Variants in RBM45 observed in about 807,000 individuals in gnomAD.
RBM45 encodes the protein RNA-binding protein 45.
In RBM45, 39 loss-of-function variants were observed where a neutral mutation model predicts 58.5. That is an observed-to-expected ratio of 0.67 (90% CI 0.52 to 0.87). The LOEUF is 0.87. Ranked by LOEUF, RBM45 falls within the 40% of genes least tolerant of loss-of-function variation. The probability of loss-of-function intolerance (pLI) is 0.00; values close to 1 mark genes in which losing one functional copy is unlikely to be tolerated. For synonymous variants in RBM45, 193 were observed against 203.0 expected (o/e 0.95, Z 0.42); for missense variants, 481 against 581.6 (o/e 0.83, Z 1.78).
rs759189413 is a variant in RBM45, at chr2:178,118,204, T to C, written c.550+23T>C. 4 of 1,569,992 alleles carry C rather than the reference T, an allele frequency of 2.5e-6. No homozygotes were observed. In the South Asian group the frequency reaches 4.8e-5, roughly 19 times the overall value. On this transcript the variant is annotated intron_variant, in intron 3 of 9. Coordinates refer to ENST00000286070, the MANE Select transcript of RBM45 (RefSeq NM_152945.4). The stretch of plus-strand genomic sequence containing the variant: ...GAAGTAAGGATGTGTTTAACATTGT[T>C]AAAAACTTTTGTAAAAAATTCTGAT...
chr2:178,124,568 C>G (rs2087901535), intron 8 of RBM45, among the ~76,000 whole-genome samples: 1 of 152,138 alleles, frequency 6.6e-6, no homozygotes, highest in Admixed American at 6.5e-5. Flanking sequence ...AATCCCAACA[C>G]TTTGGGAGGC....
exon 4 of RBM45, chr2:178,138,905 G>T (rs1252444335): frequency 6.6e-6 from 1 of 151,826 alleles, no homozygotes; most frequent in African/African-American, 2.4e-5. Flanking sequence ...CTTCTCTTTT[G>T]TAAAGAAATA....
At chr2:178,112,946 C>T in intron 1 of RBM45, 100 bp downstream of exon 1, 1 of 1,275,110 alleles carries the variant, frequency 7.8e-7, no homozygotes, top group South Asian at 1.4e-5. Context: ...AGTGGAACAT[C>T]CGTTCCCGGC....
chr2:178,137,214 T>G (rs749655630), exon 4 of RBM45: 3 of 152,196 alleles, frequency 2.0e-5, no homozygotes, highest in Non-Finnish European at 2.9e-5. Context: ...AACAGTGGTA[T>G]GAACAGCAAG....
At chr2:178,121,126 G>T (rs977272007) in intron 4 of RBM45, 54 bp from the exon 5 acceptor site, 36 of 864,654 alleles carry the variant, frequency 4.2e-5, no homozygotes, top group Non-Finnish European at 5.6e-5. Context: ...AATGTTAAGC[G>T]AATTGTTGGC....
rs759622326 is a variant in RBM45, at chr2:178,123,617, G to A, written c.949G>A (p.Val317Ile). The change falls in exon 6 of 10, where the codon GTT becomes ATT. Residue 317 changes from valine (V) to isoleucine (I), a missense_variant. By Grantham distance (29) the Val-to-Ile change is conservative. Transcript: ENST00000286070. ...FQYPPGNRIGVSFIDDGSNAT... is the reference protein window; with the variant it reads ...FQYPPGNRIGISFIDDGSNAT... ...GTACCCTCCTGGGAACCGAATAGGT[G>A]TTTCCTTCATTGATGATGGAAGTAA... 24 of 1,608,352 alleles carry A rather than the reference G, an allele frequency of 1.5e-5. No individual in the cohort carries two copies. The highest frequency in any genetic ancestry group is 1.7e-4 in the Middle Eastern group (1 of 6,030).
chr2:178,124,790 G>A (rs1224026709), intron 8 of RBM45, among the ~76,000 whole-genome samples: 3 of 152,158 alleles, frequency 2.0e-5, no homozygotes, highest in Non-Finnish European at 4.4e-5. Context: ...CTCCAGCCTG[G>A]GTGACAGAGT....
chr2:178,119,501 A>T (rs1439201142), intron 3 of RBM45, among the ~76,000 whole-genome samples: 2 of 152,250 alleles, frequency 1.3e-5, no homozygotes, highest in Non-Finnish European at 2.9e-5. Flanking sequence ...CATGGGAACC[A>T]TATATTGGAG....
Position 178,126,151 on chromosome 2 carries a change from C to G in RBM45, c.1400C>G (p.Ser467Cys). 1 of 1,613,858 alleles carries G rather than the reference C, an allele frequency of 6.2e-7. No homozygotes were observed. Residue 467 changes from serine to cysteine, a missense_variant, in exon 9 of 10, where the codon TCT becomes TGT. Physicochemically the swap from Ser to Cys is moderately radical, Grantham distance 112. Coordinates refer to ENST00000286070, the MANE Select transcript of RBM45 (RefSeq NM_152945.4). ...CTGGCAGATTCGCCAAGAGAAGAAT[C>G]TAACAAACGGCAAAGAACTTACTGA... ...VMLADSPREE[S>C]NKRQRTY
Position 178,124,204 on chromosome 2 carries a change from T to G in RBM45, c.1146T>G (p.Ala382=), listed in dbSNP as rs987960307. 4 of 1,610,692 alleles carry G rather than the reference T, an allele frequency of 2.5e-6. No homozygotes were observed. The highest frequency in any genetic ancestry group is 2.5e-6 in the Non-Finnish European group (3 of 1,178,294). ...DVVLPSCKKK[A]PAETPVKERL... is the part of the protein sequence containing the mutation. ...TACTTCCATCATGCAAAAAAAAAGCTCCTGCTGAAACTCCTGTGAAAGAAA... is the reference window on the plus strand; with the variant it reads ...TACTTCCATCATGCAAAAAAAAAGCGCCTGCTGAAACTCCTGTGAAAGAAA... Residue 382 remains alanine (A), a synonymous_variant, in exon 8 of 10, where the codon GCT becomes GCG. Transcript: ENST00000286070.
chr2:178,124,346 T>A (rs2087898153), intron 8 of RBM45, 56 bp downstream of exon 8: 1 of 1,161,930 alleles, frequency 8.6e-7, no homozygotes, highest in African/African-American at 1.6e-5. Context: ...TTAATTATTC[T>A]TATAATCTAG....
At chr2:178,127,093 C>T (rs571631658) in intron 9 of RBM45, among the ~76,000 whole-genome samples, 1 of 152,230 alleles carries the variant, frequency 6.6e-6, no homozygotes, top group East Asian at 1.9e-4. Context: ...CGTACCACCA[C>T]GCCTGGCTAA....
At chr2:178,116,428 T>A in intron 2 of RBM45, 44 bp downstream of exon 2, 3 of 1,536,404 alleles carry the variant, frequency 2.0e-6, no homozygotes, top group Non-Finnish European at 2.6e-6. Flanking sequence ...CTCATAGTCC[T>A]GCATAGGTTG....
At chr2:178,116,049 G>A (rs1441459789) in intron 1 of RBM45, among the ~76,000 whole-genome samples, 1 of 152,020 alleles carries the variant, frequency 6.6e-6, no homozygotes, top group Non-Finnish European at 1.5e-5. Context: ...CTACTTGGGA[G>A]GCTGAGGTGG....
chr2:178,128,378 A>C (rs1196195568), intron 9 of RBM45, among the ~76,000 whole-genome samples: 1 of 152,180 alleles, frequency 6.6e-6, no homozygotes, highest in Non-Finnish European at 1.5e-5. Flanking sequence ...AATGAAAAAA[A>C]GGCTTTGCAA....
chr2:178,118,309 ATATT>A lies in RBM45; in HGVS notation c.550+131_550+134del, dbSNP rs1347735584. 7 of 889,172 alleles carry A rather than the reference ATATT, an allele frequency of 7.9e-6. No individual in the cohort carries two copies. In the African/African-American group the frequency reaches 1.2e-4, roughly 15 times the overall value. The allele number at this position is 889,172 out of a possible 1,614,324, so 55.1% of individuals were successfully genotyped here. A position where few individuals can be genotyped will look rare whatever the true frequency, so the allele number is the denominator to read the frequency against. On this transcript the variant is annotated intron_variant, in intron 3 of 9. Coordinates refer to ENST00000286070, the MANE Select transcript of RBM45 (RefSeq NM_152945.4). ...TGTAATTTTAGCAGTGGGTATTTAA[ATATT>A]TACAGTCCAAGGAAGAAAAATATTT...
In RBM45 at chr2:178,123,880, G is replaced by A; in HGVS notation, c.1036G>A (p.Val346Met). The change falls in exon 7 of 10, where the codon GTG becomes ATG. Residue 346 changes from valine (V) to methionine (M), a missense_variant. Transcript: ENST00000286070. ...QMVAAQLASM[V>M]WNNPSQQQFM... ...GGTAGCTGCACAGCTTGCATCAATG[G>A]TGTGGAATAACCCAAGTCAGCAACA... 6.2e-7 allele frequency: 1 copy of A among 1,614,004 alleles called. No individual in the cohort carries two copies. The highest frequency in any genetic ancestry group is 2.2e-5 in the East Asian group (1 of 44,864).
chr2:178,133,239 CT>C (rs1487249654), downstream of RBM45, among the ~76,000 whole-genome samples: 2 of 152,094 alleles, frequency 1.3e-5, no homozygotes, highest in East Asian at 3.8e-4. Context: ...AATAGGCCAT[CT>C]TTTTTTACTT....
chr2:178,130,691 A>G (rs1271409599), downstream of RBM45, among the ~76,000 whole-genome samples: 1 of 152,232 alleles, frequency 6.6e-6, no homozygotes, highest in Admixed American at 6.5e-5. Flanking sequence ...ATTATAAATG[A>G]CATGCATTTG....
Sources: gnomAD v4.1 joint callset for allele counts (sites outside exome capture counted in the v4.1 genomes callset) on GRCh38, gnomAD v4.1.1 for gene constraint, MANE v1.5 for transcripts, NCBI Gene and HGNC (gene_info 2026-07-23, HGNC 2026-07-21) for gene names.